Variants in ACVR1C observed in about 807,000 individuals in gnomAD.
ACVR1C encodes activin receptor type-1C.
Under a neutral mutation model 57.9 loss-of-function variants are expected in ACVR1C, and 23 were observed. The ratio of observed to expected loss-of-function variants is 0.40; its 90% CI spans 0.29 to 0.56. ACVR1C has a LOEUF of 0.56. Ranked by LOEUF, ACVR1C falls within the 20% of genes least tolerant of loss-of-function variation. The pLI is 0.50. For synonymous variants in ACVR1C, 214 were observed against 215.3 expected (o/e 0.99, Z 0.05); for missense variants, 480 against 607.9 (o/e 0.79, Z 2.21).
chr2:157,593,362 G>A (rs778820785), intron 1 of ACVR1C, among the ~76,000 whole-genome samples: 4 of 152,130 alleles, frequency 2.6e-5, no homozygotes, highest in Admixed American at 6.6e-5. Context: ...ATATTACTAC[G>A]TTTCCTTTGT....
At chr2:157,592,396 G>C (rs1304410714) in intron 1 of ACVR1C, among the ~76,000 whole-genome samples, 1 of 152,002 alleles carries the variant, frequency 6.6e-6, no homozygotes, top group Non-Finnish European at 1.5e-5. Flanking sequence ...CAAATCTTAA[G>C]AATAATATAG....
chr2:157,538,234 T>A (rs1030197677), intron 8 of ACVR1C, among the ~76,000 whole-genome samples: 1 of 152,124 alleles, frequency 6.6e-6, no homozygotes, highest in Admixed American at 6.6e-5. Flanking sequence ...GACCTAGAGA[T>A]CTGGAAACTG....
rs934518284 is a variant in ACVR1C, at chr2:157,612,311, C to A, written c.73+16261G>T. Reference sequence around the variant, plus strand: ...ATTGAGAGTGGGGGCTCAGTCACCACTCACAGCCCCAGACAGCCAGCTCCA... The same window carrying A: ...ATTGAGAGTGGGGGCTCAGTCACCAATCACAGCCCCAGACAGCCAGCTCCA... On this transcript the variant is annotated intron_variant, in intron 1 of 8. Coordinates refer to ENST00000243349, the MANE Select transcript of ACVR1C (RefSeq NM_145259.3). 2.0e-5 allele frequency among the ~76,000 whole-genome samples: 3 copies of A among 152,324 alleles called. No individual in the cohort carries two copies. The East Asian group carries it at 5.8e-4, about 29-fold the overall frequency.
chr2:157,621,328 C>T (rs1682765607), intron 1 of ACVR1C, among the ~76,000 whole-genome samples: 1 of 152,138 alleles, frequency 6.6e-6, no homozygotes, highest in Non-Finnish European at 1.5e-5. Flanking sequence ...ATTCAAGGGG[C>T]ACATCATGAG....
intron 1 of ACVR1C, among the ~76,000 whole-genome samples, chr2:157,616,876 T>C (rs1342406077): frequency 6.6e-6 from 1 of 150,648 alleles, no homozygotes; most frequent in Admixed American, 6.6e-5. Context: ...AATGAAATAC[T>C]CAAAAAAATT....
At chr2:157,548,621 G>T (rs533097371) in intron 4 of ACVR1C, among the ~76,000 whole-genome samples, 1 of 151,098 alleles carries the variant, frequency 6.6e-6, no homozygotes, top group South Asian at 2.1e-4. Flanking sequence ...CAGAAATAAC[G>T]CCACATATCT....
intron 1 of ACVR1C, among the ~76,000 whole-genome samples, chr2:157,608,291 C>A (rs1441006231): frequency 6.6e-6 from 1 of 151,718 alleles, no homozygotes; most frequent in African/African-American, 2.4e-5. Context: ...TAACATTTAT[C>A]AATTTGTATA....
In ACVR1C at chr2:157,531,454, T is replaced by C. The variant is rs947401732; in HGVS notation, c.*2464A>G. On this transcript the variant is annotated 3_prime_UTR_variant, in exon 9 of 9. Transcript: ENST00000243349. ...AAGTTGAACCAATAAAATATGAAATTATATTTAGACACCCTCAAATAAGCT... is the reference window on the plus strand; with the variant it reads ...AAGTTGAACCAATAAAATATGAAATCATATTTAGACACCCTCAAATAAGCT... 2 of 151,948 alleles carry C rather than the reference T, an allele frequency of 1.3e-5. No homozygotes were observed. The highest frequency in any genetic ancestry group is 1.3e-4 in the Admixed American group (2 of 15,230). 9.4% of individuals were successfully genotyped at this position (151,948 alleles called of 1,614,324 possible).
chr2:157,560,424 G>A (rs1385682181), intron 2 of ACVR1C, among the ~76,000 whole-genome samples: 1 of 152,150 alleles, frequency 6.6e-6, no homozygotes, highest in Non-Finnish European at 1.5e-5. Context: ...AGTGGTAAAC[G>A]GGGCCTAAAT....
At chr2:157,566,554 A>G (rs4389284) in intron 2 of ACVR1C, among the ~76,000 whole-genome samples, 71,625 of 151,744 alleles carry the variant, frequency 0.47, 17,305 homozygotes, top group African/African-American at 0.54. Flanking sequence ...CCTGGGAAGC[A>G]CAAGGGGTCA....
chr2:157,538,041 G>C (rs1409263012), intron 8 of ACVR1C, among the ~76,000 whole-genome samples: 4 of 152,138 alleles, frequency 2.6e-5, no homozygotes, highest in Non-Finnish European at 5.9e-5. Flanking sequence ...GTAATATTCT[G>C]TGTGGCAGAG....
chr2:157,616,356 C>A (rs983569459), intron 1 of ACVR1C, among the ~76,000 whole-genome samples: 1 of 152,058 alleles, frequency 6.6e-6, no homozygotes, highest in African/African-American at 2.4e-5. Context: ...GATGAGCACA[C>A]CAAAGGCATT....
At chr2:157,608,739 CTA>C (rs1682463870) in intron 1 of ACVR1C, among the ~76,000 whole-genome samples, 2 of 151,862 alleles carry the variant, frequency 1.3e-5, no homozygotes, top group African/African-American at 2.4e-5. Context: ...TCCATTTCCT[CTA>C]TGTTTTTCAG....
chr2:157,550,721 A>G (rs1477602935), intron 3 of ACVR1C, among the ~76,000 whole-genome samples: 1 of 132,700 alleles, frequency 7.5e-6, no homozygotes, highest in Admixed American at 8.4e-5. Flanking sequence ...TACTAAGTAC[A>G]CAAGAGTAAA....
At position 157,587,319 on chromosome 2, in the gene ACVR1C, G is replaced by C; in HGVS notation, c.172C>G (p.Gln58Glu). 1 of 1,613,664 alleles carries C rather than the reference G, an allele frequency of 6.2e-7. No individual in the cohort carries two copies. The highest frequency in any genetic ancestry group is 2.2e-5 in the East Asian group (1 of 44,864). ...ASVMLTNGKE[Q>E]VIKSCVSLPE... Reference sequence around the variant, plus strand: ...AGGGAGACACAGGATTTGATCACCTGCTCTTTTCCATTGGTTAGCATGACT... The same window carrying C: ...AGGGAGACACAGGATTTGATCACCTCCTCTTTTCCATTGGTTAGCATGACT... The change falls in exon 2 of 9, where the codon CAG becomes GAG. Residue 58 changes from glutamine (Q) to glutamate (E), a missense_variant. By Grantham distance (29) the Gln-to-Glu change is conservative (BLOSUM62 2). Coordinates refer to ENST00000243349, the MANE Select transcript of ACVR1C (RefSeq NM_145259.3).
chr2:157,628,548 T>C (rs759439631), intron 1 of ACVR1C, 24 bp downstream of exon 1: 1 of 1,601,508 alleles, frequency 6.2e-7, no homozygotes, highest in South Asian at 1.1e-5. Context: ...CTCGCGGGCG[T>C]CGGGAGAGAA....
intron 2 of ACVR1C, among the ~76,000 whole-genome samples, chr2:157,560,062 C>T (rs1466055480): frequency 6.6e-6 from 1 of 152,106 alleles, no homozygotes; most frequent in Non-Finnish European, 1.5e-5. Flanking sequence ...TGGAGACCTG[C>T]GTGGACCTGG....
At chr2:157,588,206 G>A in intron 1 of ACVR1C, among the ~76,000 whole-genome samples, 1 of 150,128 alleles carries the variant, frequency 6.7e-6, no homozygotes, top group East Asian at 1.9e-4. Flanking sequence ...TCTGTTCACT[G>A]TCTACACCTC....
At chr2:157,615,318 CA>C (rs1245866633) in intron 1 of ACVR1C, among the ~76,000 whole-genome samples, 10,472 of 99,498 alleles carry the variant, frequency 0.11, 773 homozygotes, top group African/African-American at 0.26. Flanking sequence ...AACAATAATA[CA>C]AAAAAAAAAA....
Sources: allele counts gnomAD v4.1 joint callset (sites outside exome capture counted in the v4.1 genomes callset), GRCh38; gene constraint gnomAD v4.1.1; transcripts MANE v1.5; gene names NCBI Gene and HGNC (gene_info 2026-07-23, HGNC 2026-07-21).